CDHR4: variants seen among roughly 807,000 people sequenced by gnomAD.
The protein encoded by CDHR4 is cadherin related family member 4.
Under a neutral mutation model 88.4 loss-of-function variants are expected in CDHR4, and 89 were observed. That is an observed-to-expected ratio of 1.01 (90% CI 0.85 to 1.20). The LOEUF is 1.20. Ranked by LOEUF, CDHR4 falls within the 50% of genes most tolerant of loss-of-function variation. The pLI is 0.00. For missense variants in CDHR4, 914 were observed against 1,007.2 expected (o/e 0.91, Z 1.25); for synonymous variants, 368 against 399.2 (o/e 0.92, Z 0.93).
chr3:49,799,251 C>T lies in CDHR4; in HGVS notation c.236G>A (p.Gly79Asp). 1 of 1,613,438 alleles carries T rather than the reference C, an allele frequency of 6.2e-7. No homozygotes were observed. The highest frequency in any genetic ancestry group is 1.3e-5 in the African/African-American group (1 of 75,052). ...SLARWQGTYV[G>D]KLTLSSSAQL... The stretch of plus-strand genomic sequence containing the variant: ...CAGCTGTACACATGACCCTACCTTG[C>T]CCACATAGGTCCCTTGCCACCTGGC... Residue 79 changes from glycine (G) to aspartate (D), a missense_variant, in exon 2 of 19, where the codon GGC (glycine) becomes GAC (aspartate). Gly to Asp is a moderately conservative substitution (Grantham distance 94). Coordinates refer to ENST00000412678, the MANE Select transcript of CDHR4 (RefSeq NM_001007540.4).
Position 49,795,786 on chromosome 3 carries a change from GGTTCCTGCCC to G in CDHR4, c.711-32_711-23del. ...CTCGCTGGACCAAAAGGGGGGCACT[GGTTCCTGCCC>G]ATTCCTGCTCAACCTGTGGGTCCAC... is the stretch of plus-strand genomic sequence containing the variant. On this transcript the variant is annotated intron_variant, in intron 6 of 18. Coordinates refer to ENST00000412678, the MANE Select transcript of CDHR4 (RefSeq NM_001007540.4). This position sits in a 1 kb window ranked among gnomAD's most constrained non-coding sequence, Gnocchi z 5.4. 6.4e-7 allele frequency: 1 copy of G among 1,551,496 alleles called. No homozygotes were observed. The highest frequency in any genetic ancestry group is 8.7e-7 in the Non-Finnish European group (1 of 1,146,886).
In CDHR4 at chr3:49,794,957, C is replaced by G. The variant is rs953380870; in HGVS notation, c.1175G>C (p.Arg392Thr). The G allele has an allele frequency of 1.9e-6, 3 of 1,551,526 alleles. No individual in the cohort carries two copies. Among genetic ancestry groups the G allele is most frequent in the African/African-American group, 2.7e-5 (2 of 73,030 alleles). The change falls in exon 9 of 19, where the codon AGA becomes ACA. Residue 392 changes from arginine (R) to threonine (T), a missense_variant. Arg to Thr is a moderately conservative substitution (Grantham distance 71). Transcript: ENST00000412678. Reference sequence around the variant, plus strand: ...GCTGGGGCTGGGCACCTCAAGGACTCTGTCATAAAGGCAGAGGCTGGCAGG... The same window carrying G: ...GCTGGGGCTGGGCACCTCAAGGACTGTGTCATAAAGGCAGAGGCTGGCAGG... ...SNPASLCLYD[R>T]VLEVNATLDC...
chr3:49,791,887 T>A lies in CDHR4; in HGVS notation c.2195+16A>T, dbSNP rs369999966. The A allele has an allele frequency of 1.3e-6, 2 of 1,551,688 alleles. No homozygotes were observed. Among genetic ancestry groups the A allele is most frequent in the East Asian group, 2.4e-5 (1 of 40,916 alleles). ...AGATGGGATCCCAGGCATAGAAGTATGCAAAGGAGACTGACCTGTTTAGCA... is the reference window on the plus strand; with the variant it reads ...AGATGGGATCCCAGGCATAGAAGTAAGCAAAGGAGACTGACCTGTTTAGCA... On this transcript the variant is annotated intron_variant, in intron 16 of 18. Transcript: ENST00000412678.
At chr3:49,797,216 C>T (rs1158653894) in intron 4 of CDHR4, among the ~76,000 whole-genome samples, 184 bp from the exon 5 acceptor site, 6 of 151,040 alleles carry the variant, frequency 4.0e-5, no homozygotes, top group South Asian at 2.1e-4. Flanking sequence ...CTTTCCTTCT[C>T]GCTCTCTCCT....
At chr3:49,796,386 G>C (rs905892638) in intron 5 of CDHR4, among the ~76,000 whole-genome samples, 1 of 151,570 alleles carries the variant, frequency 6.6e-6, no homozygotes, top group Non-Finnish European at 1.5e-5. Context: ...GCCCATGTTG[G>C]AGCACAGTGG....
At position 49,794,014 on chromosome 3, in the gene CDHR4, T is replaced by C; in HGVS notation, c.1280-8A>G. ...CCAGTACCGGCACCTCAGCTGGAAG[T>C]CATTTGGCAGTCAAGGAGCTGGCCT... On this transcript the variant is annotated splice_region_variant and splice_polypyrimidine_tract_variant and intron_variant, in intron 10 of 18. Transcript: ENST00000412678. 6.4e-7 allele frequency: 1 copy of C among 1,551,002 alleles called. No homozygotes were observed.
rs1296870738 is a variant in CDHR4 at position 49,795,803 on chromosome 3, G to A, written c.711-39C>T. 1 of 1,550,446 alleles carries A rather than the reference G, an allele frequency of 6.4e-7. No individual in the cohort carries two copies. The highest frequency in any genetic ancestry group is 8.7e-7 in the Non-Finnish European group (1 of 1,146,268). ...GGGGCACTGGTTCCTGCCCATTCCT[G>A]CTCAACCTGTGGGTCCACAGCTTCC... On this transcript the variant is annotated intron_variant, in intron 6 of 18. Transcript: ENST00000412678. The surrounding 1 kb of genome is among the most constrained non-coding windows in gnomAD (Gnocchi z 5.4).
intron 9 of CDHR4, 51 bp downstream of exon 9, chr3:49,794,896 C>G (rs2108281615): frequency 1.3e-6 from 2 of 1,549,018 alleles, no homozygotes; most frequent in Non-Finnish European, 8.7e-7. Flanking sequence ...CCACCCACCC[C>G]TTCCCACTGC....
intron 15 of CDHR4, 23 bp downstream of exon 15, chr3:49,792,445 G>A (rs752136591): frequency 2.2e-5 from 34 of 1,551,038 alleles, no homozygotes; most frequent in Middle Eastern, 1.7e-4. Flanking sequence ...GGCAAGTAGG[G>A]AGCACAAGGA....
intron 13 of CDHR4, 21 bp from the exon 14 acceptor site, chr3:49,793,095 G>A (rs2108277516): frequency 1.3e-6 from 2 of 1,551,178 alleles, no homozygotes; most frequent in Non-Finnish European, 1.7e-6. Flanking sequence ...AATGACAGGA[G>A]GAAGAGACCA....
intron 18 of CDHR4, 86 bp from the exon 19 acceptor site, chr3:49,790,973 G>T: frequency 9.1e-7 from 1 of 1,095,206 alleles, no homozygotes; most frequent in Non-Finnish European, 1.3e-6. Flanking sequence ...AAGGGTAGGA[G>T]ATTATTCCTC....
In CDHR4 at chr3:49,793,007, C is replaced by T. The variant is rs1031474908; in HGVS notation, c.1842G>A (p.Pro614=). ...ILVHSDLVLG[P]FWPEQPRTYE... is the part of the protein sequence containing the mutation. ...AGGTACGGGGCTGCTCTGGCCAGAA[C>T]GGCCCCAACACAAGGTCACTGTGCA... Residue 614 remains proline, a synonymous_variant, in exon 14 of 19, where the codon CCG becomes CCA. Coordinates refer to ENST00000412678, the MANE Select transcript of CDHR4 (RefSeq NM_001007540.4). 8 of 1,551,660 alleles carry T rather than the reference C, an allele frequency of 5.2e-6. No homozygotes were observed. The highest frequency in any genetic ancestry group is 1.4e-5 in the African/African-American group (1 of 73,164).
At position 49,796,044 on chromosome 3, in the gene CDHR4, G is replaced by A; in HGVS notation, c.609C>T (p.Val203=). 6.6e-7 allele frequency: 1 copy of A among 1,519,834 alleles called. No homozygotes were observed. Among genetic ancestry groups the A allele is most frequent in the Non-Finnish European group, 8.8e-7 (1 of 1,133,998 alleles). The allele number at this position is 1,519,834 out of a possible 1,614,324, so 94.1% of individuals were successfully genotyped here. Residue 203 remains valine, a splice_region_variant and synonymous_variant, in exon 6 of 19, where the codon GTC becomes GTT. Coordinates refer to ENST00000412678, the MANE Select transcript of CDHR4 (RefSeq NM_001007540.4). ...AGGACACTGAGATTTGCAGCTGGAAGACCTGTGGTGCACCCAGAACAGAAA... is the reference window on the plus strand; with the variant it reads ...AGGACACTGAGATTTGCAGCTGGAAAACCTGTGGTGCACCCAGAACAGAAA... ...SQGLLGQAQK[V]FQLQISVSFG...
Position 49,791,484 on chromosome 3 carries a change from A to C in CDHR4, c.2284-16T>G. The C allele has an allele frequency of 1.3e-6, 2 of 1,545,738 alleles. No homozygotes were observed. Among genetic ancestry groups the C allele is most frequent in the Non-Finnish European group, 1.7e-6 (2 of 1,145,282 alleles). On this transcript the variant is annotated splice_polypyrimidine_tract_variant and intron_variant, in intron 17 of 18. Coordinates refer to ENST00000412678, the MANE Select transcript of CDHR4 (RefSeq NM_001007540.4). ...CATCAAAATGCTGCTGAGGGAAAAA[A>C]AAAAAAGATGCAATGAATTGAACCC...
At position 49,795,131 on chromosome 3, in the gene CDHR4, G is replaced by A; in HGVS notation, c.1032-31C>T. 1 of 1,551,622 alleles carries A rather than the reference G, an allele frequency of 6.4e-7. No homozygotes were observed. Among genetic ancestry groups the A allele is most frequent in the Non-Finnish European group, 8.7e-7 (1 of 1,146,976 alleles). ...AGTATGCAGTGGCAGCAAGGCAGGA[G>A]TCTGGCAGTACCCTGAGTCATGGCT... is the stretch of plus-strand genomic sequence containing the variant. On this transcript the variant is annotated intron_variant, in intron 8 of 18. Transcript: ENST00000412678. This position sits in a 1 kb window ranked among gnomAD's most constrained non-coding sequence, Gnocchi z 5.4.
At chr3:49,800,274 C>A (rs1021488267), upstream of CDHR4, among the ~76,000 whole-genome samples, 4 of 152,018 alleles carry the variant, frequency 2.6e-5, no homozygotes, top group Non-Finnish European at 5.9e-5. Context: ...ATCTGTAATC[C>A]CAGCACTTTG....
In CDHR4 at chr3:49,791,755, T is replaced by A; in HGVS notation, c.2242A>T (p.Lys748Ter). Residue 748 changes from lysine (K) to a stop codon, truncating the protein, a stop_gained, in exon 17 of 19, where the codon AAG becomes TAG. Transcript: ENST00000412678. LOFTEE classifies it high-confidence loss of function. ...CTGGGTGCCTGGGACATCTCCATCT[T>A]CGGTGCCTCCAGGAAACCCTCGATG... ...GSIEGFLEAP[K>*]MEMSQAPSSV... The A allele has an allele frequency of 6.4e-7, 1 of 1,551,684 alleles. No homozygotes were observed. Among genetic ancestry groups the A allele is most frequent in the Non-Finnish European group, 8.7e-7 (1 of 1,146,986 alleles).
Position 49,795,948 on chromosome 3 carries a change from G to A in CDHR4, c.705C>T (p.Ser235=), listed in dbSNP as rs1379679287. ...KVLPVPSSQV[S]FLEQAQNITI... Reference sequence around the variant, plus strand: ...CCAGGGTAGGGGAGCCTTACAGGAAGGAGACCTGGCTGGAGGGAACAGGCA... The same window carrying A: ...CCAGGGTAGGGGAGCCTTACAGGAAAGAGACCTGGCTGGAGGGAACAGGCA... The change falls in exon 6 of 19, where the codon TCC becomes TCT. Residue 235 remains serine, a synonymous_variant. Transcript: ENST00000412678. The surrounding 1 kb of genome is among the most constrained non-coding windows in gnomAD (Gnocchi z 5.4). The A allele has an allele frequency of 6.5e-7, 1 of 1,539,260 alleles. No individual in the cohort carries two copies. The highest frequency in any genetic ancestry group is 8.8e-7 in the Non-Finnish European group (1 of 1,141,292).
At chr3:49,792,355 C>A in intron 15 of CDHR4, 113 bp downstream of exon 15, 1 of 1,325,240 alleles carries the variant, frequency 7.5e-7, no homozygotes. Flanking sequence ...AATATCAGTT[C>A]GTCACCCACC....
Sources: gnomAD v4.1 joint callset for allele counts (sites outside exome capture counted in the v4.1 genomes callset) on GRCh38, gnomAD v4.1.1 for gene constraint, Gnocchi (gnomAD v3.1) non-coding constraint, MANE v1.5 for transcripts, NCBI Gene and HGNC (gene_info 2026-07-23, HGNC 2026-07-21) for gene names.